ATP9B: variants seen among roughly 807,000 people sequenced by gnomAD.
ATP9B encodes the protein probable phospholipid-transporting ATPase IIB.
A neutral mutation model predicts 146.1 loss-of-function variants in ATP9B; 110 were observed. That is an observed-to-expected ratio of 0.75 (90% CI 0.65 to 0.88). The LOEUF (loss-of-function observed/expected upper bound fraction) is 0.88, where lower values mean the gene tolerates loss of function less well. Among genes scored for constraint, ATP9B ranks in the 40% least tolerant of loss-of-function variants. The pLI, the probability that ATP9B is intolerant of heterozygous loss-of-function variation, is 0.00. For missense variants in ATP9B, 1,499 were observed against 1,496.4 expected (o/e 1.00, Z -0.03); for synonymous variants, 604 against 569.7 (o/e 1.06, Z -0.86).
At chr18:79,102,210 T>G (rs1332638818) in intron 2 of ATP9B, among the ~76,000 whole-genome samples, 1 of 152,204 alleles carries the variant, frequency 6.6e-6, no homozygotes, top group East Asian at 1.9e-4. Flanking sequence ...CTTCACTGGA[T>G]CCAGTGTTTT....
At chr18:79,282,157 AC>A (rs908367917) in intron 13 of ATP9B, among the ~76,000 whole-genome samples, 1 of 152,238 alleles carries the variant, frequency 6.6e-6, no homozygotes, top group African/African-American at 2.4e-5. Flanking sequence ...GTTGCCTCTT[AC>A]GGATGAGCAA....
chr18:79,183,766 G>A (rs2095276107), intron 8 of ATP9B, among the ~76,000 whole-genome samples: 1 of 145,574 alleles, frequency 6.9e-6, no homozygotes. Flanking sequence ...ATTTTTGGGG[G>A]GAGTATTTTT....
At chr18:79,078,663 G>GTT (rs34895093) in intron 1 of ATP9B, among the ~76,000 whole-genome samples, 109 of 143,096 alleles carry the variant, frequency 7.6e-4, no homozygotes, top group African/African-American at 1.6e-3. Context: ...GTATAGTTCA[G>GTT]TTTTTTTTTT....
In ATP9B at chr18:79,070,321, G is replaced by A. The variant is rs962946148; in HGVS notation, c.119+792G>A. Among the ~76,000 whole-genome samples the A allele has an allele frequency of 2.0e-5, 3 of 152,004 alleles. No homozygotes were observed. In the South Asian group the frequency reaches 6.2e-4, roughly 32 times the overall value. ...GAGTTTTTGAATAATTTTTGTTTTC[G>A]GCCATTTGAGAGACTAACATATAGC... On this transcript the variant is annotated intron_variant, in intron 1 of 29. Transcript: ENST00000426216.
At chr18:79,315,581 G>A (rs774341568) in intron 15 of ATP9B, among the ~76,000 whole-genome samples, 3 of 152,228 alleles carry the variant, frequency 2.0e-5, no homozygotes, top group Non-Finnish European at 4.4e-5. Flanking sequence ...GTAGCTGCCT[G>A]TGTGAATTGC....
intron 25 of ATP9B, chr18:79,353,458 G>A (rs1028965094): frequency 6.6e-6 from 1 of 152,260 alleles, no homozygotes; most frequent in African/African-American, 2.4e-5. Flanking sequence ...GAGCTGCATT[G>A]TGTCCATAGT....
rs559390377 is a variant in ATP9B, at chr18:79,248,653, T to C, written c.1108-4728T>C. On this transcript the variant is annotated intron_variant, in intron 11 of 29. Coordinates refer to ENST00000426216, the MANE Select transcript of ATP9B (RefSeq NM_198531.5). ...CTAGTGCAGAGTAGCATGAATGAAT[T>C]GGGTGTCAGAGTCGAGGCTTTTCAA... Among the ~76,000 whole-genome samples, 8 of 152,338 alleles carry C rather than the reference T, an allele frequency of 5.3e-5. No individual in the cohort carries two copies. The South Asian group carries it at 1.4e-3, about 28-fold the overall frequency.
chr18:79,220,085 A>G (rs1295878409), intron 11 of ATP9B, among the ~76,000 whole-genome samples: 1 of 152,138 alleles, frequency 6.6e-6, no homozygotes, highest in East Asian at 1.9e-4. Context: ...TTGCATGTGG[A>G]CATGTAAGCA....
At chr18:79,152,956 AG>A (rs1472772576) in intron 6 of ATP9B, among the ~76,000 whole-genome samples, 1 of 152,154 alleles carries the variant, frequency 6.6e-6, no homozygotes, top group Non-Finnish European at 1.5e-5. Flanking sequence ...TAGTTTTATT[AG>A]GTTGTACAGT....
intron 29 of ATP9B, chr18:79,375,882 C>G: frequency 1.0e-6 from 1 of 985,410 alleles, no homozygotes. Context: ...CGGCAACAGT[C>G]TAAAGGGATT....
chr18:79,345,175 C>A (rs2096879655), intron 21 of ATP9B, among the ~76,000 whole-genome samples: 1 of 152,162 alleles, frequency 6.6e-6, no homozygotes, highest in Non-Finnish European at 1.5e-5. Flanking sequence ...ATGGAGGATT[C>A]TCTCTGGTAC....
At chr18:79,077,523 C>T (rs2072760698) in intron 1 of ATP9B, among the ~76,000 whole-genome samples, 1 of 152,146 alleles carries the variant, frequency 6.6e-6, no homozygotes, top group African/African-American at 2.4e-5. Context: ...CCTCCTCTGA[C>T]ATTATAGAGA....
intron 17 of ATP9B, among the ~76,000 whole-genome samples, chr18:79,335,939 C>T (rs1398639136): frequency 2.0e-5 from 3 of 152,174 alleles, no homozygotes; most frequent in Admixed American, 2.0e-4. Context: ...CATGGTATTA[C>T]AACACGCCAG....
At chr18:79,328,533 G>A (rs140877735) in intron 15 of ATP9B, among the ~76,000 whole-genome samples, 3 of 152,298 alleles carry the variant, frequency 2.0e-5, no homozygotes, top group African/African-American at 4.8e-5. Context: ...GAAGAGGAGC[G>A]TGGCCCCAGC....
intron 6 of ATP9B, among the ~76,000 whole-genome samples, chr18:79,148,915 T>C (rs1040165696): frequency 6.6e-6 from 1 of 152,208 alleles, no homozygotes; most frequent in Non-Finnish European, 1.5e-5. Context: ...CATTTTTATA[T>C]AATAATGAAA....
rs148261406 is a variant in ATP9B at position 79,201,241 on chromosome 18, ATAGT to A, written c.955-5694_955-5691del. On this transcript the variant is annotated intron_variant, in intron 9 of 29. Transcript: ENST00000426216. ...TTCTGAAATCTGAATTATTTTGATG[ATAGT>A]TCTTGATTTTTCTGTGTATTTTTCA... Among the ~76,000 whole-genome samples, 782 of 152,244 alleles carry A rather than the reference ATAGT, an allele frequency of 5.1e-3. 11 individuals carry two copies. The highest frequency in any genetic ancestry group is 0.017 in the African/African-American group (711 of 41,552).
At chr18:79,248,884 AGT>A (rs1356368367) in intron 11 of ATP9B, among the ~76,000 whole-genome samples, 6 of 152,208 alleles carry the variant, frequency 3.9e-5, no homozygotes, top group Non-Finnish European at 8.8e-5. Flanking sequence ...ATCAGCAGTA[AGT>A]GTTGCACAGG....
chr18:79,083,249 C>T (rs1599391586), intron 1 of ATP9B, among the ~76,000 whole-genome samples: 1 of 152,182 alleles, frequency 6.6e-6, no homozygotes, highest in East Asian at 1.9e-4. Flanking sequence ...GGCAGACGCC[C>T]CTTGCCCCAC....
rs372577117 is a variant in ATP9B, at chr18:79,256,253, CTAGCTATA to C, written c.1268+2715_1268+2722del. On this transcript the variant is annotated intron_variant, in intron 12 of 29. Coordinates refer to ENST00000426216, the MANE Select transcript of ATP9B (RefSeq NM_198531.5). ...TCCCATGCCATTTTGTGAATTCTAG[CTAGCTATA>C]TATATATATATATATATATATATAT... Among the ~76,000 whole-genome samples, 336 of 64,516 alleles carry C rather than the reference CTAGCTATA, an allele frequency of 5.2e-3. 3 individuals carry two copies. The highest frequency in any genetic ancestry group is 0.011 in the South Asian group (28 of 2,474). The allele number at this position is 64,516 out of a possible 152,430, so 42.3% of individuals were successfully genotyped here.
Sources: gnomAD v4.1 joint callset for allele counts (sites outside exome capture counted in the v4.1 genomes callset) on GRCh38, gnomAD v4.1.1 for gene constraint, MANE v1.5 for transcripts, NCBI Gene and HGNC (gene_info 2026-07-23, HGNC 2026-07-21) for gene names.